Variants in IDH1 observed in about 807,000 individuals in gnomAD.
The protein encoded by IDH1 is isocitrate dehydrogenase [NADP] cytoplasmic.
In IDH1, 33 loss-of-function variants were observed where a neutral mutation model predicts 46.1. That is an observed-to-expected ratio of 0.72 (90% CI 0.54 to 0.96). The LOEUF (loss-of-function observed/expected upper bound fraction) is 0.96. Among genes scored for constraint, IDH1 ranks in the 40% least tolerant of loss-of-function variants. The pLI is 0.00. For missense variants in IDH1, 421 were observed against 515.7 expected (o/e 0.82, Z 1.78); for synonymous variants, 144 against 172.8 (o/e 0.83, Z 1.31).
At chr2:208,240,778 C>T (rs1444746249) in intron 7 of IDH1, among the ~76,000 whole-genome samples, 1 of 152,204 alleles carries the variant, frequency 6.6e-6, no homozygotes, top group Non-Finnish European at 1.5e-5. Context: ...TAATCAACCA[C>T]GGAGTCATCA....
chr2:208,246,909 C>T (rs907538077), intron 4 of IDH1, among the ~76,000 whole-genome samples: 12 of 152,130 alleles, frequency 7.9e-5, no homozygotes, highest in Non-Finnish European at 1.2e-4. Context: ...CACCACTGCA[C>T]TCCAGCCTGG....
rs1257300613 is a variant in IDH1, at chr2:208,244,717, G to C, written c.520+602C>G. Among the ~76,000 whole-genome samples, 6 of 152,228 alleles carry C rather than the reference G, an allele frequency of 3.9e-5. 1 individual carries two copies. Among genetic ancestry groups the C allele is most frequent in the Non-Finnish European group, 4.4e-5 (3 of 68,046 alleles). On this transcript the variant is annotated intron_variant, in intron 5 of 9. Transcript: ENST00000345146. ...GGCAAGAAAAACAAAAGGTAGGTGA[G>C]TGTTGGGTATTTTTGTTTGTGTGAG...
In IDH1 at chr2:208,248,396, G is replaced by A. The variant is rs1341118194; in HGVS notation, c.387C>T (p.Ile129=). 1 of 1,613,634 alleles carries A rather than the reference G, an allele frequency of 6.2e-7. No homozygotes were observed. The highest frequency in any genetic ancestry group is 1.1e-5 in the South Asian group (1 of 91,070). Residue 129 remains isoleucine, a synonymous_variant, in exon 4 of 10, where the codon ATC becomes ATT. Coordinates refer to ENST00000345146, the MANE Select transcript of IDH1 (RefSeq NM_005896.4). ...RLVSGWVKPI[I]IGRHAYGDQY... is the part of the protein sequence containing the mutation. Reference sequence around the variant, plus strand: ...GATCCCCATAAGCATGACGACCTATGATGATAGGTTTTACCCATCCACTCA... The same window carrying A: ...GATCCCCATAAGCATGACGACCTATAATGATAGGTTTTACCCATCCACTCA...
At chr2:208,253,012 C>G (rs537630586) in intron 2 of IDH1, among the ~76,000 whole-genome samples, 8 of 152,326 alleles carry the variant, frequency 5.3e-5, no homozygotes, top group African/African-American at 1.7e-4. Context: ...TCACACCTAT[C>G]CTTGTTTTAA....
chr2:208,243,599 C>G lies in IDH1; in HGVS notation c.526G>C (p.Gly176Arg). 1.9e-6 allele frequency: 3 copies of G among 1,613,084 alleles called. No individual in the cohort carries two copies. Among genetic ancestry groups the G allele is most frequent in the Non-Finnish European group, 2.5e-6 (3 of 1,179,150 alleles). ...TYLVHNFEEG[G>R]GVAMGMYNQD... ...TTATACATCCCCATGGCAACACCAC[C>G]ACCTTCTGTAGAGGAGAAGCCAGTG... The change falls in exon 6 of 10, where the codon GGT becomes CGT. Residue 176 changes from glycine to arginine, a missense_variant. Transcript: ENST00000345146.
chr2:208,242,913 C>T (rs1448045566), intron 6 of IDH1, among the ~76,000 whole-genome samples: 1 of 152,028 alleles, frequency 6.6e-6, no homozygotes. Context: ...TAGAGGCGCC[C>T]GCCACCACGC....
chr2:208,243,803 G>A lies in IDH1; in HGVS notation c.521-199C>T, dbSNP rs190943538. On this transcript the variant is annotated intron_variant, in intron 5 of 9. Coordinates refer to ENST00000345146, the MANE Select transcript of IDH1 (RefSeq NM_005896.4). ...GAGAGAAAAGCCAGTTCTAGATAAG[G>A]ACATTCTAACTTGTTTTGGAAGGAC... 1.6e-4 allele frequency among the ~76,000 whole-genome samples: 25 copies of A among 152,280 alleles called. No individual in the cohort carries two copies. The East Asian group carries it at 3.7e-3, about 22-fold the overall frequency.
intron 9 of IDH1, 26 bp downstream of exon 9, chr2:208,239,045 T>C (rs376666493): frequency 7.5e-5 from 120 of 1,607,064 alleles, no homozygotes; most frequent in Non-Finnish European, 9.5e-5. Context: ...AATTTGACCA[T>C]AGAAACTAGG....
At chr2:208,246,667 A>T (rs1343389190) in intron 4 of IDH1, among the ~76,000 whole-genome samples, 2 of 149,640 alleles carry the variant, frequency 1.3e-5, no homozygotes, top group African/African-American at 4.9e-5. Context: ...AAGGCCGGGC[A>T]TGGTGGCATG....
At chr2:208,239,358 CA>C in intron 8 of IDH1, 125 bp from the exon 9 acceptor site, 1 of 917,444 alleles carries the variant, frequency 1.1e-6, no homozygotes, top group Non-Finnish European at 1.7e-6. Flanking sequence ...AGATACTAAC[CA>C]CATGGGCTAG....
At chr2:208,251,264 TA>T in intron 3 of IDH1, 165 bp downstream of exon 3, 1 of 456,056 alleles carries the variant, frequency 2.2e-6, no homozygotes, top group Non-Finnish European at 3.8e-6. Flanking sequence ...CTTTTTTTTT[TA>T]AAGTGATGGG....
intron 4 of IDH1, chr2:208,247,460 A>G (rs1688045006): frequency 6.6e-6 from 1 of 151,278 alleles, no homozygotes; most frequent in Non-Finnish European, 1.5e-5. Flanking sequence ...TTCTTTTTCG[A>G]GACAGGGTCT....
At chr2:208,251,211 T>G in intron 3 of IDH1, 1 of 466,368 alleles carries the variant, frequency 2.1e-6, no homozygotes, top group East Asian at 3.4e-5. Context: ...TAATTCAGAT[T>G]ATATTCTTTT....
chr2:208,251,540 T>A lies in IDH1; in HGVS notation c.12A>T (p.Lys4Asn), dbSNP rs1456490934. The A allele has an allele frequency of 6.2e-7, 1 of 1,613,960 alleles. No homozygotes were observed. The highest frequency in any genetic ancestry group is 2.2e-5 in the East Asian group (1 of 44,884). Residue 4 changes from lysine to asparagine, a missense_variant, in exon 3 of 10, where the codon AAA (lysine) becomes AAT (asparagine). Physicochemically the swap from Lys to Asn is moderately conservative, Grantham distance 94. Coordinates refer to ENST00000345146, the MANE Select transcript of IDH1 (RefSeq NM_005896.4). ...TCTCTACCACAGAACCGCCACTGAT[T>A]TTTTTGGACATTTTGACTTCAATAA... MSKKISGGSVVEMQ... is the reference protein window; with the variant it reads MSKNISGGSVVEMQ...
intron 8 of IDH1, among the ~76,000 whole-genome samples, chr2:208,239,542 TGAA>T (rs1437488302): frequency 6.6e-6 from 1 of 152,260 alleles, no homozygotes; most frequent in Non-Finnish European, 1.5e-5. Flanking sequence ...AATCTCTTTT[TGAA>T]GTGCTATCTT....
At chr2:208,242,248 C>G (rs1687933344) in intron 6 of IDH1, 103 bp from the exon 7 acceptor site, 1 of 1,080,346 alleles carries the variant, frequency 9.3e-7, no homozygotes, top group African/African-American at 1.6e-5. Flanking sequence ...CAAGAAGCAG[C>G]ATATTTTAGT....
In IDH1 at chr2:208,243,514, C is replaced by A. The variant is rs774721532; in HGVS notation, c.611G>T (p.Gly204Val). The A allele has an allele frequency of 5.0e-6, 8 of 1,613,948 alleles. No individual in the cohort carries two copies. The change falls in exon 6 of 10, where the codon GGT (glycine) becomes GTT (valine). Residue 204 changes from glycine (G) to valine (V), a missense_variant. Transcript: ENST00000345146. The stretch of plus-strand genomic sequence containing the variant: ...TTTGGTGCTCAGATACAAAGGCCAA[C>A]CCTTAGACAGAGCCATTTGGAAGGA... Reference protein sequence around the residue: ...HSSFQMALSKGWPLYLSTKNT... With the variant: ...HSSFQMALSKVWPLYLSTKNT...
chr2:208,249,120 G>C (rs1688076888), intron 3 of IDH1, among the ~76,000 whole-genome samples: 1 of 152,048 alleles, frequency 6.6e-6, no homozygotes, highest in South Asian at 2.1e-4. Context: ...GGGAGGTAAA[G>C]ATGTGACAGT....
At chr2:208,241,165 G>A (rs897909300) in intron 7 of IDH1, among the ~76,000 whole-genome samples, 2 of 152,156 alleles carry the variant, frequency 1.3e-5, no homozygotes, top group Non-Finnish European at 2.9e-5. Context: ...TCTGTAAACA[G>A]CCCCTAGGGT....
Sources: allele counts gnomAD v4.1 joint callset (sites outside exome capture counted in the v4.1 genomes callset), GRCh38; gene constraint gnomAD v4.1.1; transcripts MANE v1.5; gene names NCBI Gene and HGNC (gene_info 2026-07-23, HGNC 2026-07-21).